Variants in HS6ST3 observed in about 807,000 individuals in gnomAD.
HS6ST3 encodes the protein heparan sulfate 6-O-sulfotransferase 3, also known as heparan-sulfate 6-O-sulfotransferase 3.
Under a neutral mutation model 36.7 loss-of-function variants are expected in HS6ST3, and 12 were observed. The ratio of observed to expected loss-of-function variants is 0.33; its 90% CI spans 0.21 to 0.53. The LOEUF (loss-of-function observed/expected upper bound fraction) is 0.53, where lower values mean the gene tolerates loss of function less well. Among genes scored for constraint, HS6ST3 ranks in the 20% least tolerant of loss-of-function variants. The probability of loss-of-function intolerance (pLI) is 0.95; values close to 1 mark genes in which losing one functional copy is unlikely to be tolerated. For missense variants in HS6ST3, 584 were observed against 640.9 expected (o/e 0.91, Z 0.96); for synonymous variants, 240 against 257.5 (o/e 0.93, Z 0.65).
intron 1 of HS6ST3, among the ~76,000 whole-genome samples, chr13:96,557,056 A>T (rs2056243727): frequency 6.6e-6 from 1 of 152,180 alleles, no homozygotes; most frequent in Non-Finnish European, 1.5e-5. Flanking sequence ...TAAAGTTCAG[A>T]TGTATTCACC....
At chr13:96,388,505 G>C (rs543164770) in intron 1 of HS6ST3, among the ~76,000 whole-genome samples, 47 of 152,328 alleles carry the variant, frequency 3.1e-4, no homozygotes, top group African/African-American at 1.1e-3. Context: ...TTTCAAATTA[G>C]AATGGGCCCA....
At chr13:96,151,482 C>T (rs1455023500) in intron 1 of HS6ST3, among the ~76,000 whole-genome samples, 3 of 151,668 alleles carry the variant, frequency 2.0e-5, no homozygotes, top group African/African-American at 7.3e-5. Flanking sequence ...ACAATTACAC[C>T]ATGAAGTCTA....
At chr13:96,574,016 A>G in intron 1 of HS6ST3, 1 of 542,682 alleles carries the variant, frequency 1.8e-6, no homozygotes, top group Non-Finnish European at 3.7e-6. Context: ...TAGATTCACC[A>G]ATGACCCCTG....
intron 1 of HS6ST3, among the ~76,000 whole-genome samples, chr13:96,280,639 G>A (rs1187047464): frequency 6.6e-6 from 1 of 152,084 alleles, no homozygotes; most frequent in Non-Finnish European, 1.5e-5. Flanking sequence ...TGTCCCTCTT[G>A]AGCTACATAA....
chr13:96,748,067 C>A (rs533627096), intron 1 of HS6ST3, among the ~76,000 whole-genome samples: 159 of 152,182 alleles, frequency 1.0e-3, no homozygotes, highest in Non-Finnish European at 1.9e-3. Flanking sequence ...TGGCTTGTCT[C>A]TTTCACTTTT....
intron 1 of HS6ST3, among the ~76,000 whole-genome samples, chr13:96,116,426 G>C (rs2053894656): frequency 6.6e-6 from 1 of 152,092 alleles, no homozygotes; most frequent in African/African-American, 2.4e-5. Context: ...GTACACATGT[G>C]GTCTCCCCTA....
chr13:96,676,276 C>T (rs1378132773), intron 1 of HS6ST3, among the ~76,000 whole-genome samples: 3 of 152,052 alleles, frequency 2.0e-5, no homozygotes, highest in African/African-American at 7.2e-5. Flanking sequence ...GGGGTCTTCT[C>T]TCTGTGAGTC....
At chr13:96,794,475 A>G (rs567512228) in intron 1 of HS6ST3, among the ~76,000 whole-genome samples, 5 of 152,222 alleles carry the variant, frequency 3.3e-5, no homozygotes, top group South Asian at 2.1e-4. Flanking sequence ...TTTGTGGCCA[A>G]GTTTTTAAAA....
intron 1 of HS6ST3, among the ~76,000 whole-genome samples, chr13:96,093,272 G>A (rs2053773837): frequency 6.6e-6 from 1 of 152,190 alleles, no homozygotes; most frequent in African/African-American, 2.4e-5. Context: ...AATAGATGAA[G>A]ATTTTAAAGG....
chr13:96,396,004 C>T (rs2055419170), intron 1 of HS6ST3, among the ~76,000 whole-genome samples: 1 of 152,096 alleles, frequency 6.6e-6, no homozygotes, highest in Admixed American at 6.6e-5. Context: ...AAAATGATAC[C>T]TACCTCCATG....
Position 96,570,920 on chromosome 13 carries a change from G to A in HS6ST3, c.708-261570G>A, listed in dbSNP as rs538173972. ...TTTCTGAGGATGTAACATATAAGCT[G>A]GATCTTTAAATATGAGCAGAATTCT... On this transcript the variant is annotated intron_variant, in intron 1 of 1. Coordinates refer to ENST00000376705, the MANE Select transcript of HS6ST3 (RefSeq NM_153456.4). Among the ~76,000 whole-genome samples, 7 of 152,234 alleles carry A rather than the reference G, an allele frequency of 4.6e-5. No individual in the cohort carries two copies. In the South Asian group the frequency reaches 1.5e-3, roughly 32 times the overall value.
At chr13:96,354,826 A>G (rs935443531) in intron 1 of HS6ST3, among the ~76,000 whole-genome samples, 1 of 152,214 alleles carries the variant, frequency 6.6e-6, no homozygotes, top group African/African-American at 2.4e-5. Context: ...ACTACTTGCT[A>G]TCAAATATAG....
intron 1 of HS6ST3, among the ~76,000 whole-genome samples, chr13:96,623,362 T>TGAGG (rs2056501542): frequency 6.6e-6 from 1 of 152,124 alleles, no homozygotes; most frequent in African/African-American, 2.4e-5. Flanking sequence ...TTTTATTCAT[T>TGAGG]ATTTTTCAGA....
chr13:96,480,710 C>G (rs1056639281), intron 1 of HS6ST3, among the ~76,000 whole-genome samples: 2 of 152,188 alleles, frequency 1.3e-5, no homozygotes, highest in Non-Finnish European at 2.9e-5. Context: ...CCACTTCTGT[C>G]TACCTTCTGC....
Position 96,744,278 on chromosome 13 carries a change from T to C in HS6ST3, c.708-88212T>C, listed in dbSNP as rs145759085. Among the ~76,000 whole-genome samples the C allele has an allele frequency of 5.8e-3, 876 of 152,182 alleles. 8 individuals are homozygous for C. The highest frequency in any genetic ancestry group is 0.02 in the African/African-American group (817 of 41,536). On this transcript the variant is annotated intron_variant, in intron 1 of 1. Transcript: ENST00000376705. Reference sequence around the variant, plus strand: ...ATTACAAGTCAGTTTGCATGCAATGTTTATTTTTTAAAGCCAAACTTCTAG... The same window carrying C: ...ATTACAAGTCAGTTTGCATGCAATGCTTATTTTTTAAAGCCAAACTTCTAG...
At chr13:96,215,694 A>G (rs2054422409) in intron 1 of HS6ST3, among the ~76,000 whole-genome samples, 1 of 151,412 alleles carries the variant, frequency 6.6e-6, no homozygotes, top group Non-Finnish European at 1.5e-5. Context: ...TCAAAGTAAT[A>G]TATGCTTATT....
At chr13:96,266,826 A>G (rs1042541142) in intron 1 of HS6ST3, among the ~76,000 whole-genome samples, 1 of 152,226 alleles carries the variant, frequency 6.6e-6, no homozygotes, top group Non-Finnish European at 1.5e-5. Context: ...TCCAGCTACC[A>G]ATAAATCAGA....
intron 1 of HS6ST3, among the ~76,000 whole-genome samples, chr13:96,312,720 G>C (rs2054947671): frequency 6.6e-6 from 1 of 152,074 alleles, no homozygotes. Context: ...GGGAGGCTGA[G>C]TCGGGCAGAT....
chr13:96,686,941 G>A (rs1013268896), intron 1 of HS6ST3, among the ~76,000 whole-genome samples: 1 of 151,992 alleles, frequency 6.6e-6, no homozygotes, highest in African/African-American at 2.4e-5. Context: ...ATATTAAAAT[G>A]TGGGTTTTGG....
Sources: allele counts gnomAD v4.1 joint callset (sites outside exome capture counted in the v4.1 genomes callset), GRCh38; gene constraint gnomAD v4.1.1; transcripts MANE v1.5; gene names NCBI Gene and HGNC (gene_info 2026-07-23, HGNC 2026-07-21).